MTCL1: variants seen among roughly 807,000 people sequenced by gnomAD.
The protein encoded by MTCL1 is microtubule crosslinking factor 1.
Under a neutral mutation model 141.4 loss-of-function variants are expected in MTCL1, and 79 were observed. The ratio of observed to expected loss-of-function variants is 0.56; its 90% CI spans 0.47 to 0.67. The LOEUF (loss-of-function observed/expected upper bound fraction) is 0.67. Ranked by LOEUF, MTCL1 falls within the 30% of genes least tolerant of loss-of-function variation. The pLI is 0.00. For synonymous variants in MTCL1, 914 were observed against 875.8 expected, an observed-to-expected ratio of 1.04 and a Z score of -0.77; for missense variants, 2,177 against 2,113.9, an observed-to-expected ratio of 1.03 and a Z score of -0.59.
chr18:8,769,588 G>A (rs979480222), intron 4 of MTCL1, among the ~76,000 whole-genome samples: 5 of 152,124 alleles, frequency 3.3e-5, no homozygotes, highest in Admixed American at 1.3e-4. Context: ...ATGTTCCCGA[G>A]TTTGCATGTG....
chr18:8,783,848 C>T lies in MTCL1; in HGVS notation c.736C>T (p.Gln246Ter). Residue 246 changes from glutamine (Q) to a stop codon, truncating the protein, a stop_gained, in exon 6 of 17, where the codon CAG becomes TAG. Coordinates refer to ENST00000359865, the Ensembl canonical transcript of MTCL1. LOFTEE classifies it high-confidence loss of function. ...AGAGATGGAGGACATGCGGGGCCAG[C>T]AGGAGCGGGAGGGCCCGGGTCGGGA... is the stretch of plus-strand genomic sequence containing the variant. The T allele has an allele frequency of 6.2e-7, 1 of 1,613,048 alleles. No individual in the cohort carries two copies. The highest frequency in any genetic ancestry group is 8.5e-7 in the Non-Finnish European group (1 of 1,179,878).
chr18:8,786,436 A>T (rs1251992807), intron 7 of MTCL1: 1 of 496,376 alleles, frequency 2.0e-6, no homozygotes, highest in African/African-American at 1.9e-5. Context: ...ATGAAAACCC[A>T]GCACGGGCTT....
At chr18:8,790,222 T>G (rs2075673038) in intron 7 of MTCL1, among the ~76,000 whole-genome samples, 1 of 152,242 alleles carries the variant, frequency 6.6e-6, no homozygotes, top group Admixed American at 6.5e-5. Context: ...GAGCTTCATA[T>G]ATTGTTTCAG....
chr18:8,740,686 T>C (rs2096297848), intron 4 of MTCL1, among the ~76,000 whole-genome samples: 2 of 152,196 alleles, frequency 1.3e-5, no homozygotes, highest in African/African-American at 4.8e-5. Flanking sequence ...TTTCACCATG[T>C]TGGCCAGACT....
At chr18:8,787,648 A>G (rs1341509266) in intron 7 of MTCL1, among the ~76,000 whole-genome samples, 2 of 152,250 alleles carry the variant, frequency 1.3e-5, no homozygotes, top group Admixed American at 6.5e-5. Context: ...AAAAATCTCC[A>G]TAGTGAAAGG....
intron 12 of MTCL1, among the ~76,000 whole-genome samples, chr18:8,816,956 C>G (rs1212160332): frequency 6.6e-6 from 1 of 152,224 alleles, no homozygotes; most frequent in Non-Finnish European, 1.5e-5. Flanking sequence ...GATATCTCCA[C>G]CACAACCACT....
chr18:8,785,957 G>C (rs376052944), exon 7 of MTCL1: 3 of 1,601,344 alleles, frequency 1.9e-6, no homozygotes, highest in Non-Finnish European at 1.7e-6. Context: ...AGAGCAGCTG[G>C]AGTGGCAGCT....
At chr18:8,809,219 G>A (rs1331705264) in intron 11 of MTCL1, among the ~76,000 whole-genome samples, 2 of 152,174 alleles carry the variant, frequency 1.3e-5, no homozygotes, top group South Asian at 2.1e-4. Context: ...CATTAGAATC[G>A]AATGGATTAA....
intron 4 of MTCL1, among the ~76,000 whole-genome samples, chr18:8,732,860 G>A (rs773984629): frequency 1.6e-4 from 24 of 152,210 alleles, no homozygotes; most frequent in African/African-American, 5.3e-4. Context: ...TCCTTGCATC[G>A]TAGATATGCT....
At chr18:8,768,185 A>G (rs977201609) in intron 4 of MTCL1, among the ~76,000 whole-genome samples, 1 of 152,350 alleles carries the variant, frequency 6.6e-6, no homozygotes, top group African/African-American at 2.4e-5. Flanking sequence ...ACATTGTACT[A>G]TACTTGGTTT....
At chr18:8,793,119 A>G (rs1204064843) in exon 8 of MTCL1, 2 of 1,613,682 alleles carry the variant, frequency 1.2e-6, no homozygotes, top group Admixed American at 1.7e-5. Context: ...AAGATCCATA[A>G]GGTAAATATT....
chr18:8,759,829 A>G (rs1026492318), intron 4 of MTCL1, among the ~76,000 whole-genome samples: 1 of 152,104 alleles, frequency 6.6e-6, no homozygotes. Context: ...AGCGGGATAG[A>G]GGTGGCACCC....
At chr18:8,823,001 G>C (rs1255656661) in intron 14 of MTCL1, among the ~76,000 whole-genome samples, 1 of 151,698 alleles carries the variant, frequency 6.6e-6, no homozygotes, top group Non-Finnish European at 1.5e-5. Context: ...TACATCCTGG[G>C]CGACAGAGTA....
rs2096546418 is a variant in MTCL1, at chr18:8,784,982, C to T, written c.1731+139C>T. 6 of 577,758 alleles carry T rather than the reference C, an allele frequency of 1.0e-5. No homozygotes were observed. The East Asian group carries it at 1.7e-4, about 17-fold the overall frequency. The allele number at this position is 577,758 out of a possible 1,614,324, so 35.8% of individuals were successfully genotyped here. On this transcript the variant is annotated intron_variant, in intron 6 of 16. Transcript: ENST00000359865. The stretch of plus-strand genomic sequence containing the variant: ...CTGCATTGTACTAAAGCCTCCGGGG[C>T]AACCGGATCCTCTCTCTTGGTTGGG...
intron 4 of MTCL1, among the ~76,000 whole-genome samples, chr18:8,741,024 T>C (rs1287853964): frequency 6.6e-6 from 1 of 152,220 alleles, no homozygotes; most frequent in Non-Finnish European, 1.5e-5. Context: ...CAACCCTAAA[T>C]TGTCCCCTTT....
intron 4 of MTCL1, among the ~76,000 whole-genome samples, chr18:8,732,600 C>T (rs2096256006): frequency 6.6e-6 from 1 of 151,890 alleles, no homozygotes; most frequent in Non-Finnish European, 1.5e-5. Flanking sequence ...GTTTTTTTCT[C>T]CCTGGTAATA....
rs1442318291 is a variant in MTCL1, at chr18:8,798,123, G to A, written c.2268G>A (p.Arg756=). The A allele has an allele frequency of 6.3e-6, 10 of 1,591,392 alleles. No individual in the cohort carries two copies. In the African/African-American group the frequency reaches 8.2e-5, roughly 13 times the overall value. ...GTGAACATCCAGAGACCCTCTCCAGGCTCGGGGAGCTTGGAGTCCAGGGGG... is the reference window on the plus strand; with the variant it reads ...GTGAACATCCAGAGACCCTCTCCAGACTCGGGGAGCTTGGAGTCCAGGGGG... Residue 756 remains arginine, a synonymous_variant, in exon 10 of 17, where the codon AGG becomes AGA. Transcript: ENST00000359865.
intron 10 of MTCL1, among the ~76,000 whole-genome samples, chr18:8,799,989 G>A (rs917506192): frequency 2.6e-5 from 4 of 152,218 alleles, no homozygotes; most frequent in African/African-American, 9.6e-5. Flanking sequence ...AGCACGTGGC[G>A]GGGTGGGGTC....
chr18:8,825,391 C>T lies in MTCL1; in HGVS notation c.3881C>T (p.Ala1294Val). ...GAGGTGGCCTTCTCTGTCAGGAATG[C>T]CATCTGCTCCGGCCCTGGCGAGCTG... is the stretch of plus-strand genomic sequence containing the variant. The change falls in exon 15 of 17, where the codon GCC becomes GTC. Residue 1294 changes from alanine (A) to valine (V), a missense_variant. Coordinates refer to ENST00000359865, the Ensembl canonical transcript of MTCL1. The T allele has an allele frequency of 1.3e-6, 2 of 1,539,838 alleles. No homozygotes were observed. Among genetic ancestry groups the T allele is most frequent in the Non-Finnish European group, 8.7e-7 (1 of 1,142,958 alleles).
Sources: gnomAD v4.1 joint callset for allele counts (sites outside exome capture counted in the v4.1 genomes callset) on GRCh38, gnomAD v4.1.1 for gene constraint, MANE v1.5 for transcripts, NCBI Gene and HGNC (gene_info 2026-07-23, HGNC 2026-07-21) for gene names.